ACSS3: variants seen among roughly 807,000 people sequenced by gnomAD.
ACSS3 encodes acyl-CoA synthetase short-chain family member 3, mitochondrial.
In ACSS3, 64 loss-of-function variants were observed where a neutral mutation model predicts 84.2. The ratio of observed to expected loss-of-function variants is 0.76; its 90% CI spans 0.62 to 0.94. The LOEUF (loss-of-function observed/expected upper bound fraction) is 0.94. Among genes scored for constraint, ACSS3 ranks in the 40% least tolerant of loss-of-function variants. ACSS3 has a pLI of 0.00. For synonymous variants in ACSS3, 317 were observed against 310.1 expected (o/e 1.02, Z -0.23); for missense variants, 815 against 867.6 (o/e 0.94, Z 0.76).
intron 13 of ACSS3, among the ~76,000 whole-genome samples, chr12:81,237,782 G>C (rs1038270985): frequency 6.6e-6 from 1 of 151,788 alleles, no homozygotes; most frequent in Middle Eastern, 3.4e-3. Context: ...AACAAATACA[G>C]TTTTATATCT....
At chr12:81,128,164 A>G (rs1885236302) in intron 2 of ACSS3, among the ~76,000 whole-genome samples, 1 of 151,558 alleles carries the variant, frequency 6.6e-6, no homozygotes. Context: ...CTTTACAATT[A>G]TTATTCCTGT....
chr12:81,157,954 A>G (rs1486262669), intron 7 of ACSS3, among the ~76,000 whole-genome samples: 2 of 152,094 alleles, frequency 1.3e-5, no homozygotes, highest in East Asian at 3.9e-4. Flanking sequence ...ACACACACAC[A>G]CACACACACA....
chr12:81,188,926 G>A (rs549570431), intron 8 of ACSS3, among the ~76,000 whole-genome samples: 1 of 152,150 alleles, frequency 6.6e-6, no homozygotes, highest in Non-Finnish European at 1.5e-5. Flanking sequence ...TTTTTGTGGT[G>A]AGAACACTTT....
chr12:81,236,412 C>T (rs2033631995), intron 13 of ACSS3, among the ~76,000 whole-genome samples: 1 of 151,132 alleles, frequency 6.6e-6, no homozygotes, highest in Non-Finnish European at 1.5e-5. Context: ...CTGAAATCTA[C>T]TGTTTGTAGT....
chr12:81,230,562 G>T (rs988830998), intron 11 of ACSS3, among the ~76,000 whole-genome samples: 1 of 151,822 alleles, frequency 6.6e-6, no homozygotes, highest in Non-Finnish European at 1.5e-5. Context: ...CAGTGAGAGA[G>T]AATTCCCAGC....
Position 81,259,864 on chromosome 12 carries a change from A to ATAAT in ACSS3, c.*4943_*4946dup, listed in dbSNP as rs746298266. On this transcript the variant is annotated 3_prime_UTR_variant, in exon 16 of 16. Transcript: ENST00000548058. ...AATTTGGTGCAGGGGAGCTTAACAA[A>ATAAT]TAATAGAATTTGCTCAACTTTGTGG... 2.3e-4 allele frequency: 92 copies of ATAAT among 402,652 alleles called. No homozygotes were observed. The highest frequency in any genetic ancestry group is 3.8e-4 in the Non-Finnish European group (87 of 226,768). 24.9% of individuals were successfully genotyped at this position (402,652 alleles called of 1,614,324 possible). A position where few individuals can be genotyped will look rare whatever the true frequency, so the allele number is the denominator to read the frequency against.
At chr12:81,155,867 G>A (rs1241366798) in intron 7 of ACSS3, among the ~76,000 whole-genome samples, 3 of 152,150 alleles carry the variant, frequency 2.0e-5, no homozygotes, top group African/African-American at 7.2e-5. Context: ...GAAAGTCAGT[G>A]AAGATGTAGA....
intron 11 of ACSS3, among the ~76,000 whole-genome samples, chr12:81,223,919 G>T (rs867180681): frequency 6.6e-6 from 1 of 151,940 alleles, no homozygotes. Context: ...GGCCAGGAAT[G>T]TATTATTTTC....
intron 15 of ACSS3, 52 bp from the exon 16 acceptor site, chr12:81,254,805 A>C: frequency 2.2e-6 from 3 of 1,348,012 alleles, no homozygotes; most frequent in Non-Finnish European, 3.1e-6. Flanking sequence ...TTATAGAAAG[A>C]GTAGAAGAAA....
At chr12:81,164,480 A>G (rs1464126959) in intron 7 of ACSS3, among the ~76,000 whole-genome samples, 1 of 152,200 alleles carries the variant, frequency 6.6e-6, no homozygotes, top group Non-Finnish European at 1.5e-5. Flanking sequence ...ATCACTTTAT[A>G]TGTGTGGACT....
chr12:81,191,172 T>G (rs2031551141), intron 8 of ACSS3, among the ~76,000 whole-genome samples: 1 of 152,102 alleles, frequency 6.6e-6, no homozygotes. Flanking sequence ...TTGATGAACC[T>G]ATATTGATAC....
intron 2 of ACSS3, among the ~76,000 whole-genome samples, chr12:81,132,515 C>T (rs1466027077): frequency 4.6e-5 from 7 of 152,042 alleles, no homozygotes; most frequent in Non-Finnish European, 8.8e-5. Context: ...TGATTCTTCT[C>T]TCTTTTCTTC....
chr12:81,141,434 CAAT>C (rs1268191600), intron 4 of ACSS3, among the ~76,000 whole-genome samples: 2 of 152,158 alleles, frequency 1.3e-5, no homozygotes, highest in Non-Finnish European at 2.9e-5. Context: ...CTCAGGCAAA[CAAT>C]GATGGAATCA....
chr12:81,091,561 C>T (rs907982572), intron 1 of ACSS3, among the ~76,000 whole-genome samples: 42 of 151,912 alleles, frequency 2.8e-4, no homozygotes, highest in African/African-American at 9.4e-4. Flanking sequence ...TAATTACAGG[C>T]TTAGTAGACC....
chr12:81,215,537 TGGTAGAG>T (rs1411169216), intron 9 of ACSS3, among the ~76,000 whole-genome samples: 1 of 152,208 alleles, frequency 6.6e-6, no homozygotes, highest in Non-Finnish European at 1.5e-5. Context: ...TGATAAATTA[TGGTAGAG>T]CCCATGGTAG....
chr12:81,220,815 ACT>A (rs534545033), intron 11 of ACSS3, among the ~76,000 whole-genome samples: 130 of 151,894 alleles, frequency 8.6e-4, no homozygotes, highest in Middle Eastern at 3.4e-3. Flanking sequence ...TTTAATTTTT[ACT>A]CTGTTTCTTA....
In ACSS3 at chr12:81,143,327, G is replaced by A. The variant is rs544139107; in HGVS notation, c.921+80G>A. 4.5e-5 allele frequency: 61 copies of A among 1,346,274 alleles called. 1 individual carries two copies. The South Asian group carries it at 1.0e-3, about 22-fold the overall frequency. 83.4% of individuals were successfully genotyped at this position (1,346,274 alleles called of 1,614,324 possible). On this transcript the variant is annotated intron_variant, in intron 5 of 15. Coordinates refer to ENST00000548058, the MANE Select transcript of ACSS3 (RefSeq NM_024560.4). ...GAATGTTTGATCACTGACTGGAAAT[G>A]TTTGCAGACTTTACTTTGAAGTTTA...
intron 7 of ACSS3, among the ~76,000 whole-genome samples, chr12:81,157,101 T>C (rs181709074): frequency 1.3e-5 from 2 of 152,228 alleles, no homozygotes; most frequent in East Asian, 3.9e-4. Context: ...CTTGACAAAA[T>C]ATTAGCAAAT....
At chr12:81,137,345 A>G (rs1482981234) in intron 3 of ACSS3, among the ~76,000 whole-genome samples, 1 of 151,596 alleles carries the variant, frequency 6.6e-6, no homozygotes, top group Non-Finnish European at 1.5e-5. Context: ...ACACACACAC[A>G]CACACACACA....
Sources: gnomAD v4.1 joint callset for allele counts (sites outside exome capture counted in the v4.1 genomes callset) on GRCh38, gnomAD v4.1.1 for gene constraint, MANE v1.5 for transcripts, NCBI Gene and HGNC (gene_info 2026-07-23, HGNC 2026-07-21) for gene names.